TEK: variants seen among roughly 807,000 people sequenced by gnomAD.
TEK encodes TEK receptor tyrosine kinase, also known as angiopoietin-1 receptor.
Under a neutral mutation model 131.8 loss-of-function variants are expected in TEK, and 43 were observed. The ratio of observed to expected loss-of-function variants is 0.33; its 90% CI spans 0.26 to 0.42. TEK has a LOEUF of 0.42. Ranked by LOEUF, TEK falls within the 10% of genes least tolerant of loss-of-function variation. The probability of loss-of-function intolerance (pLI) is 1.00; values close to 1 mark genes in which losing one functional copy is unlikely to be tolerated. For synonymous variants in TEK, 580 were observed against 491.6 expected (o/e 1.18, Z -2.38); for missense variants, 1,162 against 1,384.4 (o/e 0.84, Z 2.55).
At chr9:27,216,781 G>A (rs1825834299) in intron 18 of TEK, among the ~76,000 whole-genome samples, 1 of 152,090 alleles carries the variant, frequency 6.6e-6, no homozygotes, top group African/African-American at 2.4e-5. Context: ...GCTCTGGAGA[G>A]CTGAGAAAGG....
chr9:27,212,537 C>T (rs189806089), intron 16 of TEK, among the ~76,000 whole-genome samples, 170 bp from the exon 17 acceptor site: 1 of 152,156 alleles, frequency 6.6e-6, no homozygotes, highest in Admixed American at 6.5e-5. Context: ...TTGAGTATTG[C>T]AGGAGGGTGT....
chr9:27,151,713 G>T (rs1046087247), intron 1 of TEK, among the ~76,000 whole-genome samples: 1 of 152,104 alleles, frequency 6.6e-6, no homozygotes, highest in African/African-American at 2.4e-5. Context: ...TATAAGCTAC[G>T]AGACGGTTGT....
At chr9:27,214,636 C>T (rs1422708858) in intron 18 of TEK, among the ~76,000 whole-genome samples, 1 of 152,170 alleles carries the variant, frequency 6.6e-6, no homozygotes, top group Non-Finnish European at 1.5e-5. Flanking sequence ...TAATTCACCA[C>T]CTTGGCATAT....
At chr9:27,161,803 CAT>C (rs1305677531) in intron 2 of TEK, among the ~76,000 whole-genome samples, 1 of 152,038 alleles carries the variant, frequency 6.6e-6, no homozygotes, top group African/African-American at 2.4e-5. Context: ...ATTTTTTCCT[CAT>C]GTGAAAAAAA....
At chr9:27,198,960 A>C (rs1345792176) in intron 12 of TEK, among the ~76,000 whole-genome samples, 1 of 151,758 alleles carries the variant, frequency 6.6e-6, no homozygotes, top group Non-Finnish European at 1.5e-5. Context: ...ACCACACCTG[A>C]CTTTTTTTAA....
At chr9:27,114,601 G>A (rs1191226965) in intron 1 of TEK, among the ~76,000 whole-genome samples, 1 of 152,014 alleles carries the variant, frequency 6.6e-6, no homozygotes, top group Non-Finnish European at 1.5e-5. Flanking sequence ...TTAATATTAG[G>A]TTGGTGAAAA....
At chr9:27,196,795 T>C (rs921379703) in intron 11 of TEK, among the ~76,000 whole-genome samples, 9 of 146,314 alleles carry the variant, frequency 6.2e-5, no homozygotes, top group Non-Finnish European at 1.0e-4. Flanking sequence ...TACTGTTTCA[T>C]AATTTATTTA....
At chr9:27,161,547 C>G (rs1255039794) in intron 2 of TEK, among the ~76,000 whole-genome samples, 1 of 152,214 alleles carries the variant, frequency 6.6e-6, no homozygotes, top group Non-Finnish European at 1.5e-5. Context: ...GCCGAGTGAT[C>G]TGACTTCAGA....
chr9:27,208,314 G>A (rs1825473835), intron 15 of TEK, among the ~76,000 whole-genome samples: 1 of 151,822 alleles, frequency 6.6e-6, no homozygotes, highest in African/African-American at 2.4e-5. Context: ...ATGGCCACCA[G>A]CACCTCACTC....
chr9:27,193,596 C>T (rs955697310), intron 11 of TEK, among the ~76,000 whole-genome samples: 2 of 152,094 alleles, frequency 1.3e-5, no homozygotes, highest in South Asian at 4.2e-4. Context: ...TTGTAAGGTT[C>T]CATTCCTGGT....
Position 27,209,755 on chromosome 9 carries a change from C to T in TEK, c.2686+524C>T, listed in dbSNP as rs116107306. On this transcript the variant is annotated intron_variant, in intron 16 of 22. Transcript: ENST00000380036. ...TCCAGAATGCTTTCATGTACAATTA[C>T]AATGGAGCTTTACAACTATCCTGTG... Among the ~76,000 whole-genome samples, 1,403 of 152,310 alleles carry T rather than the reference C, an allele frequency of 9.2e-3. 17 individuals are homozygous for T. The highest frequency in any genetic ancestry group is 0.032 in the African/African-American group (1,320 of 41,564).
chr9:27,223,090 T>C (rs1448717114), intron 21 of TEK, among the ~76,000 whole-genome samples: 1 of 152,124 alleles, frequency 6.6e-6, no homozygotes, highest in African/African-American at 2.4e-5. Flanking sequence ...CTTAAATATA[T>C]ATGCACCCAA....
chr9:27,114,560 G>A (rs1473433600), intron 1 of TEK, among the ~76,000 whole-genome samples: 1 of 151,124 alleles, frequency 6.6e-6, no homozygotes, highest in Non-Finnish European at 1.5e-5. Flanking sequence ...GACAGAGTGA[G>A]ACTCCGTCTC....
In TEK at chr9:27,220,081, G is replaced by C. The variant is rs748239410; in HGVS notation, c.3136G>C (p.Glu1046Gln). ...GTPYCGMTCA[E>Q]LYEKLPQGYR... ...ACCCTACTGCGGGATGACTTGTGCA[G>C]AACTCTACGAGAAGCTGCCCCAGGG... The change falls in exon 21 of 23, where the codon GAA becomes CAA. Residue 1046 changes from glutamate to glutamine, a missense_variant. By Grantham distance (29) the Glu-to-Gln change is conservative. Transcript: ENST00000380036. The C allele has an allele frequency of 3.7e-6, 6 of 1,613,974 alleles. No homozygotes were observed. The Admixed American group carries it at 1.0e-4, about 27-fold the overall frequency.
intron 21 of TEK, among the ~76,000 whole-genome samples, chr9:27,226,423 C>T (rs1826329477): frequency 6.6e-6 from 1 of 152,204 alleles, no homozygotes; most frequent in African/African-American, 2.4e-5. Flanking sequence ...GAGTTCTTGT[C>T]CTTTGGACGG....
In TEK at chr9:27,197,322, T is replaced by C. The variant is rs368357438; in HGVS notation, c.1632T>C (p.Pro544=). The C allele has an allele frequency of 8.7e-6, 14 of 1,613,888 alleles. No homozygotes were observed. In the African/African-American group the frequency reaches 1.9e-4, roughly 22 times the overall value. ...TTTTCTGGATTCTCCTAGGACTCCC[T>C]CCTCCAAGAGGTCTAAATCTCCTGC... is the stretch of plus-strand genomic sequence containing the variant. ...RRFTTASIGL[P]PPRGLNLLPK... is the part of the protein sequence containing the mutation. Residue 544 remains proline, a synonymous_variant, in exon 12 of 23, where the codon CCT becomes CCC. Coordinates refer to ENST00000380036, the MANE Select transcript of TEK (RefSeq NM_000459.5).
intron 15 of TEK, among the ~76,000 whole-genome samples, chr9:27,208,849 A>G (rs1825497615): frequency 1.3e-5 from 2 of 152,212 alleles, no homozygotes; most frequent in South Asian, 4.1e-4. Context: ...CAATATCTGG[A>G]TACATTTTTG....
intron 1 of TEK, among the ~76,000 whole-genome samples, chr9:27,152,870 T>C (rs1328031394): frequency 1.3e-5 from 2 of 152,188 alleles, no homozygotes; most frequent in Admixed American, 1.3e-4. Context: ...TCCCATGTCT[T>C]AGTTAATGGC....
At chr9:27,183,759 G>A (rs905931494) in intron 8 of TEK, 149 bp downstream of exon 8, 147 of 1,104,246 alleles carry the variant, frequency 1.3e-4, no homozygotes, top group Middle Eastern at 8.6e-4. Flanking sequence ...TCCTGGAGAG[G>A]CAGAACTGAC....
Sources: gnomAD v4.1 joint callset for allele counts (sites outside exome capture counted in the v4.1 genomes callset) on GRCh38, gnomAD v4.1.1 for gene constraint, MANE v1.5 for transcripts, NCBI Gene and HGNC (gene_info 2026-07-23, HGNC 2026-07-21) for gene names.